Variants in SAAL1 observed in about 807,000 individuals in gnomAD.
SAAL1 encodes the protein serum amyloid A like 1.
SAAL1 carries 42 observed loss-of-function variants against 59.8 expected under a neutral mutation model. The ratio of observed to expected loss-of-function variants is 0.70; its 90% CI spans 0.55 to 0.91. The LOEUF (loss-of-function observed/expected upper bound fraction) is 0.91. Ranked by LOEUF, SAAL1 falls within the 40% of genes least tolerant of loss-of-function variation. SAAL1 has a pLI of 0.00. For missense variants in SAAL1, 542 were observed against 561.1 expected (o/e 0.97, Z 0.34); for synonymous variants, 191 against 194.3 (o/e 0.98, Z 0.14).
chr11:18,104,971 G>T (rs976877927), intron 1 of SAAL1, among the ~76,000 whole-genome samples: 24 of 152,062 alleles, frequency 1.6e-4, no homozygotes, highest in African/African-American at 5.8e-4. Flanking sequence ...AGGGAAACAT[G>T]GGGGGAAGAA....
At chr11:18,083,978 AG>A (rs1035922647) in intron 9 of SAAL1, among the ~76,000 whole-genome samples, 1 of 152,202 alleles carries the variant, frequency 6.6e-6, no homozygotes, top group Non-Finnish European at 1.5e-5. Flanking sequence ...GCAGCCTAGC[AG>A]GGCTAGCTCT....
chr11:18,095,224 A>T (rs1848560830), intron 3 of SAAL1, among the ~76,000 whole-genome samples: 1 of 152,234 alleles, frequency 6.6e-6, no homozygotes, highest in Admixed American at 6.5e-5. Context: ...GCCAGCGGAT[A>T]TAATACAACA....
chr11:18,084,187 A>G (rs192397920), intron 9 of SAAL1, among the ~76,000 whole-genome samples: 1 of 152,114 alleles, frequency 6.6e-6, no homozygotes, highest in African/African-American at 2.4e-5. Context: ...AAGTACAAAA[A>G]AATTAGCTCA....
At chr11:18,094,974 GT>G (rs1242341467) in intron 3 of SAAL1, among the ~76,000 whole-genome samples, 1 of 152,120 alleles carries the variant, frequency 6.6e-6, no homozygotes, top group African/African-American at 2.4e-5. Context: ...CTCATCTAGG[GT>G]ATGGCCTGAC....
chr11:18,092,124 G>A lies in SAAL1; in HGVS notation c.413+121C>T. 5.1e-6 allele frequency: 3 copies of A among 584,416 alleles called. No individual in the cohort carries two copies. In the South Asian group the frequency reaches 7.7e-5, roughly 15 times the overall value. The allele number at this position is 584,416 out of a possible 1,614,324, so 36.2% of individuals were successfully genotyped here. On this transcript the variant is annotated intron_variant, in intron 4 of 11. Transcript: ENST00000524803. Reference sequence around the variant, plus strand: ...ATCAACACACAATGAAGTTCCCACAGAGTGTTCATCAAGACAAAGAAAGGA... The same window carrying A: ...ATCAACACACAATGAAGTTCCCACAAAGTGTTCATCAAGACAAAGAAAGGA...
chr11:18,099,212 G>A (rs1848606978), intron 2 of SAAL1, among the ~76,000 whole-genome samples: 2 of 152,128 alleles, frequency 1.3e-5, no homozygotes, highest in Non-Finnish European at 2.9e-5. Flanking sequence ...CCAACTACTG[G>A]GCTCAAGTGA....
chr11:18,097,707 C>T (rs1043471652), intron 2 of SAAL1, among the ~76,000 whole-genome samples: 1 of 151,898 alleles, frequency 6.6e-6, no homozygotes, highest in Admixed American at 6.6e-5. Context: ...GGTGTGGTGG[C>T]ACATGCCTGC....
In SAAL1 at chr11:18,085,668, T is replaced by C. The variant is rs564977119; in HGVS notation, c.1042+1198A>G. ...ATGAAGAGGAATTTGCCTTATTAGG[T>C]ATTAAAACATAAAACCTTAATATTT... On this transcript the variant is annotated intron_variant, in intron 9 of 11. Transcript: ENST00000524803. Among the ~76,000 whole-genome samples, 66 of 152,302 alleles carry C rather than the reference T, an allele frequency of 4.3e-4. 1 individual carries two copies. The highest frequency in any genetic ancestry group is 1.4e-3 in the African/African-American group (60 of 41,556).
At chr11:18,093,050 C>T (rs1848538454) in intron 3 of SAAL1, among the ~76,000 whole-genome samples, 1 of 152,208 alleles carries the variant, frequency 6.6e-6, no homozygotes, top group Non-Finnish European at 1.5e-5. Context: ...CTTGCACCGT[C>T]TCACCCAGGA....
Position 18,103,536 on chromosome 11 carries a change from G to A in SAAL1, c.136-190C>T, listed in dbSNP as rs894595800. Among the ~76,000 whole-genome samples the A allele has an allele frequency of 4.6e-5, 7 of 152,300 alleles. No individual in the cohort carries two copies. In the East Asian group the frequency reaches 7.7e-4, roughly 17 times the overall value. On this transcript the variant is annotated intron_variant, in intron 1 of 11. Coordinates refer to ENST00000524803, the MANE Select transcript of SAAL1 (RefSeq NM_138421.3). ...CCAAGAGTGCATGAGTCTGTTCCAGGTACTTTAGTTTCCTCCTACATCCCC... is the reference window on the plus strand; with the variant it reads ...CCAAGAGTGCATGAGTCTGTTCCAGATACTTTAGTTTCCTCCTACATCCCC...
intron 2 of SAAL1, among the ~76,000 whole-genome samples, chr11:18,102,446 G>A (rs1564873663): frequency 6.6e-6 from 1 of 151,286 alleles, no homozygotes; most frequent in African/African-American, 2.4e-5. Context: ...ACAATATGCA[G>A]TTTTTTGGTG....
Position 18,106,072 on chromosome 11 carries a change from T to TG in SAAL1, c.-32dup, listed in dbSNP as rs1266380167. The TG allele has an allele frequency of 6.3e-7, 1 of 1,577,512 alleles. No homozygotes were observed. Among genetic ancestry groups the TG allele is most frequent in the African/African-American group, 1.3e-5 (1 of 74,402 alleles). Reference sequence around the variant, plus strand: ...TGTCGCGTCCCGCGCTTGAAGGCCGTGCCGGAAGCTGCGGAGGAGACGACC... The same window carrying TG: ...TGTCGCGTCCCGCGCTTGAAGGCCGTGGCCGGAAGCTGCGGAGGAGACGACC... On this transcript the variant is annotated 5_prime_UTR_variant, in exon 1 of 12. Transcript: ENST00000524803.
chr11:18,089,283 A>C, intron 7 of SAAL1, 47 bp downstream of exon 7: 12 of 1,420,190 alleles, frequency 8.4e-6, no homozygotes, highest in Non-Finnish European at 9.5e-6. Context: ...GAATACTTCT[A>C]GCAATTGCAT....
chr11:18,090,093 G>T, intron 6 of SAAL1, 82 bp downstream of exon 6: 2 of 1,287,668 alleles, frequency 1.6e-6, no homozygotes, highest in South Asian at 1.5e-5. Context: ...TTAAAAAGGT[G>T]ACTTCTAGAA....
intron 2 of SAAL1, among the ~76,000 whole-genome samples, chr11:18,100,453 G>T (rs775737151): frequency 5.9e-5 from 9 of 152,250 alleles, no homozygotes; most frequent in Non-Finnish European, 1.2e-4. Flanking sequence ...AACTTCTGCG[G>T]GCATGGTGGC....
In SAAL1 at chr11:18,083,700, C is replaced by A; in HGVS notation, c.1074G>T (p.Arg358=). ...GACACTGTTCCATATTTTGTAAGAC[C>A]CGAATGAGGCTGTCAATTAGAGGAA... is the stretch of plus-strand genomic sequence containing the variant. ...VDLPLIDSLI[R]VLQNMEQCQK... The change falls in exon 10 of 12, where the codon CGG becomes CGT. Residue 358 remains arginine, a synonymous_variant. Transcript: ENST00000524803. 1 of 1,608,364 alleles carries A rather than the reference C, an allele frequency of 6.2e-7. No individual in the cohort carries two copies. Among genetic ancestry groups the A allele is most frequent in the Non-Finnish European group, 8.5e-7 (1 of 1,177,456 alleles).
chr11:18,096,197 T>C (rs1028989712), intron 3 of SAAL1, among the ~76,000 whole-genome samples: 1 of 152,192 alleles, frequency 6.6e-6, no homozygotes, highest in Admixed American at 6.5e-5. Context: ...CCACAGCTGG[T>C]AAATGAAAGT....
At chr11:18,081,764 C>T (rs1848413050) in intron 10 of SAAL1, 1 of 390,812 alleles carries the variant, frequency 2.6e-6, no homozygotes, top group Admixed American at 4.0e-5. Context: ...TTCCTTCTCC[C>T]CTCCTGCTGA....
At chr11:18,087,420 C>T (rs1364131758) in intron 7 of SAAL1, among the ~76,000 whole-genome samples, 195 bp from the exon 8 acceptor site, 2 of 152,074 alleles carry the variant, frequency 1.3e-5, no homozygotes, top group Non-Finnish European at 2.9e-5. Flanking sequence ...AAAAAATAAA[C>T]AAATATTATA....
Sources: allele counts gnomAD v4.1 joint callset (sites outside exome capture counted in the v4.1 genomes callset), GRCh38; gene constraint gnomAD v4.1.1; transcripts MANE v1.5; gene names NCBI Gene and HGNC (gene_info 2026-07-23, HGNC 2026-07-21).